Variants in OVCH1 observed in about 807,000 individuals in gnomAD.
OVCH1 encodes the protein ovochymase 1.
In OVCH1, 139 loss-of-function variants were observed where a neutral mutation model predicts 138.4. That is an observed-to-expected ratio of 1.00 (90% confidence interval 0.87 to 1.16). The LOEUF is 1.16. Among genes scored for constraint, OVCH1 ranks in the 50% most tolerant of loss-of-function variants. OVCH1 has a pLI of 0.00. For missense variants in OVCH1, 1,367 were observed against 1,357.9 expected (o/e 1.01, Z -0.11); for synonymous variants, 453 against 467.8 (o/e 0.97, Z 0.41).
chr12:29,433,507 C>A (rs1941305910), intron 27 of OVCH1, among the ~76,000 whole-genome samples: 2 of 152,222 alleles, frequency 1.3e-5, no homozygotes, highest in East Asian at 3.9e-4. Context: ...TTCTTCATAG[C>A]AGTATGAAAA....
chr12:29,470,789 G>A (rs1033154306), intron 16 of OVCH1, among the ~76,000 whole-genome samples: 16 of 152,064 alleles, frequency 1.1e-4, no homozygotes, highest in African/African-American at 3.4e-4. Flanking sequence ...TTGAGGAATC[G>A]CCACACTGTC....
downstream of OVCH1, among the ~76,000 whole-genome samples, chr12:29,409,253 A>C (rs2135863767): frequency 6.6e-6 from 1 of 152,246 alleles, no homozygotes; most frequent in Middle Eastern, 3.4e-3. Context: ...CCTTTCAAAA[A>C]ACCAGCTCCT....
At chr12:29,483,320 G>A (rs1406054868) in intron 8 of OVCH1, among the ~76,000 whole-genome samples, 2 of 152,164 alleles carry the variant, frequency 1.3e-5, no homozygotes, top group East Asian at 3.9e-4. Context: ...AACAGCTTAA[G>A]CAAAGGTGGC....
the OVCH1 span, among the ~76,000 whole-genome samples, chr12:29,406,377 G>C: frequency 6.6e-6 from 1 of 151,836 alleles, no homozygotes; most frequent in South Asian, 2.1e-4. Context: ...AATTACATAC[G>C]TATACATGTG....
intron 26 of OVCH1, chr12:29,439,289 T>C (rs1451875545): frequency 3.5e-6 from 5 of 1,409,516 alleles, no homozygotes; most frequent in South Asian, 3.6e-5. Context: ...TAAGATGTTA[T>C]ATAAGCCCAA....
At chr12:29,479,042 G>T in intron 8 of OVCH1, 74 bp from the exon 10 acceptor site, 1 of 506,476 alleles carries the variant, frequency 2.0e-6, no homozygotes, top group Non-Finnish European at 3.3e-6. Flanking sequence ...TAATACCTGT[G>T]CTTTAGCTCA....
intron 6 of OVCH1, among the ~76,000 whole-genome samples, chr12:29,488,212 T>C (rs1943169303): frequency 6.6e-6 from 1 of 152,132 alleles, no homozygotes; most frequent in Admixed American, 6.5e-5. Context: ...GATAGATGTT[T>C]CTACTATAGC....
chr12:29,439,389 AAT>A lies in OVCH1; in HGVS notation c.3201_3202del (p.Leu1068LysfsTer9), dbSNP rs773074520. 25 of 1,562,034 alleles carry A rather than the reference AAT, an allele frequency of 1.6e-5. No individual in the cohort carries two copies. Among genetic ancestry groups the A allele is most frequent in the Non-Finnish European group, 2.0e-5 (23 of 1,154,534 alleles). On this transcript the variant is annotated frameshift_variant, in exon 26 of 28. Transcript: ENST00000318184. LOFTEE classifies it high-confidence loss of function. ...AATAAAATTCAGTTTTTCTCTTTTT[AAT>A]ATGTCTTTTGTCAGTATCATTGCCA...
intron 6 of OVCH1, 54 bp from the exon 7 acceptor site, chr12:29,487,936 T>C: frequency 6.7e-7 from 1 of 1,491,798 alleles, no homozygotes; most frequent in Non-Finnish European, 9.0e-7. Context: ...TGTAAAATAT[T>C]TCATCATTTC....
intron 8 of OVCH1, among the ~76,000 whole-genome samples, chr12:29,481,711 T>G (rs566508685): frequency 3.3e-5 from 5 of 152,314 alleles, no homozygotes; most frequent in Non-Finnish European, 5.9e-5. Flanking sequence ...TCTCTGTCCA[T>G]AAGCACAGTT....
At chr12:29,487,817 A>G in exon 7 of OVCH1, 1 of 1,608,974 alleles carries the variant, frequency 6.2e-7, no homozygotes, top group Non-Finnish European at 8.5e-7. Context: ...CTACCCAGGA[A>G]GTTATCCCAG....
exon 7 of OVCH1, chr12:29,487,737 T>C: frequency 1.9e-6 from 3 of 1,604,890 alleles, no homozygotes; most frequent in Non-Finnish European, 2.6e-6. Flanking sequence ...CTCAGACACT[T>C]TGGAGAAAAT....
intron 19 of OVCH1, among the ~76,000 whole-genome samples, chr12:29,457,187 AG>A (rs1191339637): frequency 6.6e-6 from 1 of 152,142 alleles, no homozygotes; most frequent in Non-Finnish European, 1.5e-5. Context: ...AGTTGTTTCC[AG>A]TTGGACAATG....
exon 2 of OVCH1, chr12:29,496,597 T>C (rs764586875): frequency 1.2e-6 from 2 of 1,613,572 alleles, no homozygotes; most frequent in Admixed American, 1.7e-5. Flanking sequence ...CTCCAACTAC[T>C]AATTCTAGAG....
intron 26 of OVCH1, among the ~76,000 whole-genome samples, chr12:29,436,677 T>C (rs1253539246): frequency 1.3e-5 from 2 of 151,808 alleles, no homozygotes; most frequent in African/African-American, 4.9e-5. Flanking sequence ...ATGGTCTTGC[T>C]GACTTCAGGA....
intron 22 of OVCH1, among the ~76,000 whole-genome samples, chr12:29,449,344 C>A (rs1021910895): frequency 4.0e-5 from 6 of 151,418 alleles, no homozygotes; most frequent in Admixed American, 4.0e-4. Flanking sequence ...TATTCGCTTT[C>A]TCAATTCAAA....
rs750915426 is a variant in OVCH1 at position 29,464,732 on chromosome 12, A to G, written c.1930-30T>C. On this transcript the variant is annotated intron_variant, in intron 17 of 27. Transcript: ENST00000318184. ...ATCGGTGGCAAGTAAGCAAATTACA[A>G]CGTAAGAAAGTCAAAGAATCCAGCA... The G allele has an allele frequency of 8.2e-6, 13 of 1,580,534 alleles. 1 individual carries two copies. In the Admixed American group the frequency reaches 2.3e-4, roughly 28 times the overall value.
the OVCH1 span, among the ~76,000 whole-genome samples, chr12:29,405,021 CAAAAAAAAAAA>C: frequency 3.1e-3 from 247 of 80,384 alleles, no homozygotes; most frequent in African/African-American, 0.016. Context: ...CACTCCACCT[CAAAAAAAAAAA>C]AAAAAAAAAA....
chr12:29,451,365 T>C (rs1941790048), exon 22 of OVCH1: 1 of 1,612,668 alleles, frequency 6.2e-7, no homozygotes, highest in Non-Finnish European at 8.5e-7. Context: ...TCTCTTACTG[T>C]GTCTTTCTTC....
Sources: allele counts gnomAD v4.1 joint callset (sites outside exome capture counted in the v4.1 genomes callset), GRCh38; gene constraint gnomAD v4.1.1; transcripts MANE v1.5; gene names NCBI Gene and HGNC (gene_info 2026-07-23, HGNC 2026-07-21).